KLHL5: variants seen among roughly 807,000 people sequenced by gnomAD.
KLHL5 encodes kelch like family member 5, also known as kelch-like protein 5.
A neutral mutation model predicts 77.7 loss-of-function variants in KLHL5; 48 were observed. That is an observed-to-expected ratio of 0.62 (90% CI 0.49 to 0.79). The LOEUF is 0.79. KLHL5 is among the 30% of genes least tolerant of loss of function. KLHL5 has a pLI of 0.00. For synonymous variants in KLHL5, 260 were observed against 297.0 expected (o/e 0.88, Z 1.28); for missense variants, 723 against 859.7 (o/e 0.84, Z 1.99).
chr4:39,051,962 A>G (rs1249074726), intron 1 of KLHL5, among the ~76,000 whole-genome samples: 3 of 152,176 alleles, frequency 2.0e-5, no homozygotes, highest in African/African-American at 7.2e-5. Context: ...TGAGGTACCT[A>G]GTTTTACAGA....
chr4:39,129,276 C>T (rs1160300631), downstream of KLHL5, among the ~76,000 whole-genome samples: 5 of 150,532 alleles, frequency 3.3e-5, no homozygotes, highest in East Asian at 1.9e-4. This position sits in a 1 kb window ranked among gnomAD's most constrained non-coding sequence, Gnocchi z 4.2. Flanking sequence ...GGCACAATCT[C>T]GGCTCACTGC....
At chr4:39,068,200 A>G (rs150910208) in intron 1 of KLHL5, among the ~76,000 whole-genome samples, 221 of 151,680 alleles carry the variant, frequency 1.5e-3, no homozygotes, top group African/African-American at 5.2e-3. Context: ...GACCTTCTTT[A>G]TGTTGTCTCT....
At chr4:39,064,135 T>C (rs1717678829) in intron 1 of KLHL5, among the ~76,000 whole-genome samples, 1 of 152,160 alleles carries the variant, frequency 6.6e-6, no homozygotes, top group African/African-American at 2.4e-5. Context: ...TACTTGAGGA[T>C]ATTTACCACC....
intron 2 of KLHL5, among the ~76,000 whole-genome samples, chr4:39,078,278 C>G (rs751016428): frequency 2.0e-5 from 3 of 151,784 alleles, no homozygotes; most frequent in Non-Finnish European, 4.4e-5. Context: ...CCCAGCTCCT[C>G]GGGAGGCTGA....
At chr4:39,086,421 T>G (rs1006773275) in intron 4 of KLHL5, 94 bp from the exon 5 acceptor site, 1 of 896,984 alleles carries the variant, frequency 1.1e-6, no homozygotes, top group African/African-American at 1.7e-5. Context: ...AAATTGTGTG[T>G]TGGTAGCTAA....
rs756337370 is a variant in KLHL5, at chr4:39,115,250, T to A, written c.1993T>A (p.Tyr665Asn). The A allele has an allele frequency of 1.2e-6, 2 of 1,614,104 alleles. No individual in the cohort carries two copies. The highest frequency in any genetic ancestry group is 2.2e-5 in the South Asian group (2 of 91,082). The stretch of plus-strand genomic sequence containing the variant: ...GGTCTGTTTACTTGGTGATAAGTTA[T>A]ATGCTGTTGGGGGGTATGATGGACA... ...VGVCLLGDKL[Y>N]AVGGYDGQAY... The change falls in exon 10 of 11, where the codon TAT (tyrosine) becomes AAT (asparagine). Residue 665 changes from tyrosine to asparagine, a missense_variant. Physicochemically the swap from Tyr to Asn is moderately radical, Grantham distance 143 (BLOSUM62 -2). Coordinates refer to ENST00000504108, the MANE Select transcript of KLHL5 (RefSeq NM_015990.5).
intron 1 of KLHL5, among the ~76,000 whole-genome samples, chr4:39,046,652 G>C (rs940856623): frequency 4.0e-4 from 61 of 152,258 alleles, no homozygotes; most frequent in African/African-American, 1.3e-3. Flanking sequence ...AACCAGTTCT[G>C]CCCTAACCAA....
At chr4:39,116,116 A>C (rs1722818785) in intron 10 of KLHL5, 3 of 727,946 alleles carry the variant, frequency 4.1e-6, no homozygotes, top group Non-Finnish European at 1.7e-6. Flanking sequence ...GCAGATCACG[A>C]GGTCAGGAGT....
rs1723305738 is a variant in KLHL5, at chr4:39,122,897, GT to G, written c.*1832del. Among the ~76,000 whole-genome samples, 1 of 151,980 alleles carries G rather than the reference GT, an allele frequency of 6.6e-6. No individual in the cohort carries two copies. The highest frequency in any genetic ancestry group is 1.5e-5 in the Non-Finnish European group (1 of 67,988). The stretch of plus-strand genomic sequence containing the variant: ...AAAAAAAGAGGGTTTATGCTCTATA[GT>G]AATAAAATTTACCAGTAACACCCAA... On this transcript the variant is annotated 3_prime_UTR_variant, in exon 11 of 11. Coordinates refer to ENST00000504108, the MANE Select transcript of KLHL5 (RefSeq NM_015990.5).
rs947839797 is a variant in KLHL5, at chr4:39,123,312, T to A, written c.*2246T>A. 1.3e-5 allele frequency among the ~76,000 whole-genome samples: 2 copies of A among 152,152 alleles called. No homozygotes were observed. Among genetic ancestry groups the A allele is most frequent in the African/African-American group, 4.8e-5 (2 of 41,430 alleles). ...ATAAAGAAGAATTAACACTAATCCTTCTCGAACTCTCCCAAAAAATGGAAG... is the reference window on the plus strand; with the variant it reads ...ATAAAGAAGAATTAACACTAATCCTACTCGAACTCTCCCAAAAAATGGAAG... On this transcript the variant is annotated 3_prime_UTR_variant, in exon 11 of 11. Coordinates refer to ENST00000504108, the MANE Select transcript of KLHL5 (RefSeq NM_015990.5).
intron 7 of KLHL5, 102 bp downstream of exon 7, chr4:39,103,613 G>C: frequency 1.2e-6 from 1 of 865,326 alleles, no homozygotes; most frequent in Non-Finnish European, 1.9e-6. Flanking sequence ...CACTGCGTCA[G>C]CAGCAGTCAC....
chr4:39,082,180 A>G (rs2109384414), intron 4 of KLHL5, 21 bp downstream of exon 4: 1 of 1,540,930 alleles, frequency 6.5e-7, no homozygotes, highest in Non-Finnish European at 8.8e-7. Flanking sequence ...TTTGAAGGTG[A>G]GAAAGTCGAT....
chr4:39,051,710 AAAAC>A (rs78494320), intron 1 of KLHL5, among the ~76,000 whole-genome samples: 43,701 of 116,792 alleles, frequency 0.37, 7,094 homozygotes, highest in African/African-American at 0.5. Flanking sequence ...AAAAAAAGAA[AAAAC>A]AAACAAACAA....
At chr4:39,054,187 T>C (rs1363949168) in intron 1 of KLHL5, among the ~76,000 whole-genome samples, 1 of 152,192 alleles carries the variant, frequency 6.6e-6, no homozygotes, top group Non-Finnish European at 1.5e-5. Flanking sequence ...ATCTACTTCC[T>C]CATTTGCACA....
the KLHL5 span, chr4:39,135,162 T>C: frequency 6.6e-6 from 1 of 152,160 alleles, no homozygotes; most frequent in Non-Finnish European, 1.5e-5. Context: ...TGACCTGTTA[T>C]GGTTTCATGG....
chr4:39,126,635 A>C (rs115372462), downstream of KLHL5: 2,203 of 434,390 alleles, frequency 5.1e-3, 39 homozygotes, highest in African/African-American at 0.041. Flanking sequence ...GCCCAGGTTC[A>C]AGCTGGTTCC....
chr4:39,107,057 T>TTTC (rs1441383856), intron 7 of KLHL5, among the ~76,000 whole-genome samples: 1 of 147,378 alleles, frequency 6.8e-6, no homozygotes, highest in Admixed American at 6.8e-5. Flanking sequence ...TTTCTTTTTT[T>TTTC]TTTTTTTTGA....
rs950502618 is a variant in KLHL5 at position 39,081,361 on chromosome 4, C to G, written c.703+122C>G. 7.4e-6 allele frequency: 5 copies of G among 677,718 alleles called. No individual in the cohort carries two copies. The highest frequency in any genetic ancestry group is 1.1e-5 in the Non-Finnish European group (5 of 446,128). The allele number at this position is 677,718 out of a possible 1,614,324, so 42.0% of individuals were successfully genotyped here. ...GTTAGTTCTGCTATTGTCATTACTA[C>G]CCTTTGTATTTAACCTGGTGATGAA... On this transcript the variant is annotated intron_variant, in intron 3 of 10. Transcript: ENST00000504108. The surrounding 1 kb of genome is among the most constrained non-coding windows in gnomAD (Gnocchi z 4.3).
At chr4:39,139,282 C>G in the KLHL5 span, among the ~76,000 whole-genome samples, 67 of 57,428 alleles carry the variant, frequency 1.2e-3, no homozygotes, top group Non-Finnish European at 1.9e-3. Flanking sequence ...AACTCCATCT[C>G]AAAAAAAAAA....
Sources: gnomAD v4.1 joint callset for allele counts (sites outside exome capture counted in the v4.1 genomes callset) on GRCh38, gnomAD v4.1.1 for gene constraint, Gnocchi (gnomAD v3.1) non-coding constraint, MANE v1.5 for transcripts, NCBI Gene and HGNC (gene_info 2026-07-23, HGNC 2026-07-21) for gene names.